Variants in ADAMTSL1 observed in about 807,000 individuals in gnomAD.
The protein encoded by ADAMTSL1 is ADAMTS-like protein 1.
ADAMTSL1 carries 126 observed loss-of-function variants against 201.8 expected under a neutral mutation model. The observed-to-expected ratio is 0.62, with a 90% CI of 0.54 to 0.72. The LOEUF (loss-of-function observed/expected upper bound fraction) is 0.72, where lower values mean the gene tolerates loss of function less well. ADAMTSL1 is among the 30% of genes least tolerant of loss of function. ADAMTSL1 has a pLI of 0.00. For missense variants in ADAMTSL1, 2,679 were observed against 2,277.8 expected, an observed-to-expected ratio of 1.18 and a Z score of -3.59; for synonymous variants, 1,121 against 903.4, an observed-to-expected ratio of 1.24 and a Z score of -4.32.
chr9:18,123,632 A>T (rs1391461159), intron 1 of ADAMTSL1, among the ~76,000 whole-genome samples: 1 of 152,196 alleles, frequency 6.6e-6, no homozygotes, highest in Admixed American at 6.6e-5. Flanking sequence ...ATATCATAAG[A>T]TTTCCCTATT....
chr9:18,418,083 G>A (rs1344481439), intron 2 of ADAMTSL1, among the ~76,000 whole-genome samples: 1 of 152,180 alleles, frequency 6.6e-6, no homozygotes. Flanking sequence ...CCACTTGATA[G>A]TGTAAAGAAG....
chr9:18,806,820 G>T (rs1216278522), intron 20 of ADAMTSL1, among the ~76,000 whole-genome samples: 1 of 152,138 alleles, frequency 6.6e-6, no homozygotes, highest in Non-Finnish European at 1.5e-5. Context: ...GTGCCTGGTT[G>T]GCTGAACACT....
At chr9:18,865,000 T>TC (rs1339106199) in intron 23 of ADAMTSL1, among the ~76,000 whole-genome samples, 2 of 152,148 alleles carry the variant, frequency 1.3e-5, no homozygotes, top group Non-Finnish European at 1.5e-5. Flanking sequence ...ACATTTTTTT[T>TC]CTCCTATTAT....
intron 23 of ADAMTSL1, among the ~76,000 whole-genome samples, chr9:18,879,230 G>T (rs1024307081): frequency 3.3e-5 from 5 of 152,130 alleles, no homozygotes; most frequent in African/African-American, 9.7e-5. Context: ...CACCTTAAAG[G>T]TTATTTCATT....
At chr9:18,207,689 G>A (rs994279147) in intron 2 of ADAMTSL1, among the ~76,000 whole-genome samples, 3 of 152,012 alleles carry the variant, frequency 2.0e-5, no homozygotes, top group South Asian at 2.1e-4. Context: ...GTTAACTTTC[G>A]ACGTGGCCTC....
chr9:18,269,552 T>A (rs913854691), intron 2 of ADAMTSL1, among the ~76,000 whole-genome samples: 2 of 152,188 alleles, frequency 1.3e-5, no homozygotes, highest in South Asian at 2.1e-4. Flanking sequence ...TCATTATTAA[T>A]AAATTTGGCA....
chr9:17,976,897 AT>A (rs1370190423), intron 1 of ADAMTSL1, among the ~76,000 whole-genome samples: 1 of 151,896 alleles, frequency 6.6e-6, no homozygotes, highest in African/African-American at 2.4e-5. Flanking sequence ...AAGAATAGGT[AT>A]TGTTTTTTCC....
intron 3 of ADAMTSL1, among the ~76,000 whole-genome samples, chr9:18,540,920 C>A (rs1820094521): frequency 6.6e-6 from 1 of 152,144 alleles, no homozygotes; most frequent in South Asian, 2.1e-4. Context: ...GCTGCTTCAC[C>A]CTGCCACAGA....
chr9:18,103,580 T>A (rs1291731759), intron 1 of ADAMTSL1, among the ~76,000 whole-genome samples: 1 of 152,340 alleles, frequency 6.6e-6, no homozygotes, highest in East Asian at 1.9e-4. Flanking sequence ...TGATATGCTC[T>A]GCTTGAACAA....
At chr9:18,516,683 G>T (rs914110746) in intron 2 of ADAMTSL1, among the ~76,000 whole-genome samples, 5 of 152,158 alleles carry the variant, frequency 3.3e-5, no homozygotes, top group African/African-American at 1.2e-4. Context: ...CTGGGATTTT[G>T]TTTGCTTATC....
intron 2 of ADAMTSL1, among the ~76,000 whole-genome samples, chr9:18,401,913 C>G (rs1818002099): frequency 6.6e-6 from 1 of 152,156 alleles, no homozygotes; most frequent in Non-Finnish European, 1.5e-5. Context: ...ACCAGCATTT[C>G]TAGCACAAGT....
chr9:18,858,257 A>C (rs1372221991), intron 23 of ADAMTSL1, among the ~76,000 whole-genome samples: 1 of 152,040 alleles, frequency 6.6e-6, no homozygotes, highest in Non-Finnish European at 1.5e-5. Flanking sequence ...TATGCGATCA[A>C]GCCCTCCATA....
chr9:18,621,122 A>G (rs1188246330), intron 4 of ADAMTSL1, among the ~76,000 whole-genome samples: 1 of 152,186 alleles, frequency 6.6e-6, no homozygotes, highest in African/African-American at 2.4e-5. Flanking sequence ...CCATTATTTT[A>G]TTTTGTCAAA....
At chr9:18,553,618 G>T (rs76641817) in intron 3 of ADAMTSL1, among the ~76,000 whole-genome samples, 6,275 of 151,842 alleles carry the variant, frequency 0.041, 168 homozygotes, top group Middle Eastern at 0.065. Context: ...AGAAGTGAGT[G>T]CTTTTGGTTT....
intron 1 of ADAMTSL1, among the ~76,000 whole-genome samples, chr9:18,021,972 C>T (rs2131584670): frequency 6.6e-6 from 1 of 152,184 alleles, no homozygotes; most frequent in South Asian, 2.1e-4. Flanking sequence ...TTGGCTTAGA[C>T]CTCAGCTCTA....
At chr9:18,830,153 G>A (rs1238146466) in intron 23 of ADAMTSL1, among the ~76,000 whole-genome samples, 176 bp downstream of exon 23, 3 of 152,172 alleles carry the variant, frequency 2.0e-5, no homozygotes, top group Non-Finnish European at 4.4e-5. Context: ...TTCCATATGA[G>A]GTGAATGCAG....
intron 11 of ADAMTSL1, 112 bp from the exon 12 acceptor site, chr9:18,681,700 G>GGGGGGA: frequency 1.5e-6 from 1 of 673,508 alleles, no homozygotes; most frequent in South Asian, 3.4e-5. Flanking sequence ...CCTCGTGTGG[G>GGGGGGA]GGGGGGGGGC....
intron 1 of ADAMTSL1, among the ~76,000 whole-genome samples, chr9:17,921,100 T>C (rs1009563727): frequency 1.3e-5 from 2 of 152,200 alleles, no homozygotes; most frequent in African/African-American, 4.8e-5. Context: ...AAAACTCCTA[T>C]TAGTTATTTG....
intron 23 of ADAMTSL1, among the ~76,000 whole-genome samples, chr9:18,867,030 T>C (rs948347249): frequency 2.0e-5 from 3 of 152,206 alleles, no homozygotes; most frequent in Non-Finnish European, 2.9e-5. Context: ...CTCTACTAAA[T>C]GTAACCACAT....
Sources: allele counts gnomAD v4.1 joint callset (sites outside exome capture counted in the v4.1 genomes callset), GRCh38; gene constraint gnomAD v4.1.1; transcripts MANE v1.5; gene names NCBI Gene and HGNC (gene_info 2026-07-23, HGNC 2026-07-21).